Variants in FSTL5 observed in about 807,000 individuals in gnomAD.
FSTL5 encodes follistatin like 5, also known as follistatin-related protein 5.
FSTL5 carries 62 observed loss-of-function variants against 89.1 expected under a neutral mutation model. The ratio of observed to expected loss-of-function variants is 0.70; its 90% CI spans 0.57 to 0.86. The LOEUF (loss-of-function observed/expected upper bound fraction) is 0.86. Among genes scored for constraint, FSTL5 ranks in the 40% least tolerant of loss-of-function variants. FSTL5 has a pLI of 0.00. For missense variants in FSTL5, 1,057 were observed against 1,001.6 expected, an observed-to-expected ratio of 1.06 and a Z score of -0.75; for synonymous variants, 383 against 346.2, an observed-to-expected ratio of 1.11 and a Z score of -1.18.
At chr4:161,888,841 A>G (rs1732896692) in intron 4 of FSTL5, among the ~76,000 whole-genome samples, 1 of 152,092 alleles carries the variant, frequency 6.6e-6, no homozygotes. Context: ...TATTAATTTT[A>G]AAACTCTGAT....
rs1020779479 is a variant in FSTL5, at chr4:161,596,354, C to T, written c.895-8779G>A. ...AATAGAAAAGAAATGTCAACTAACA[C>T]GAATTGAAACTATTGCTTAAAATTA... is the stretch of plus-strand genomic sequence containing the variant. On this transcript the variant is annotated intron_variant, in intron 7 of 15. Coordinates refer to ENST00000306100, the MANE Select transcript of FSTL5 (RefSeq NM_020116.5). 5.9e-5 allele frequency among the ~76,000 whole-genome samples: 9 copies of T among 151,588 alleles called. No individual in the cohort carries two copies. The East Asian group carries it at 1.3e-3, about 23-fold the overall frequency.
chr4:161,756,504 T>C (rs1740575647), intron 6 of FSTL5, among the ~76,000 whole-genome samples: 1 of 152,130 alleles, frequency 6.6e-6, no homozygotes, highest in Admixed American at 6.5e-5. Flanking sequence ...CAATATTCCC[T>C]AGTACTTTTA....
intron 6 of FSTL5, among the ~76,000 whole-genome samples, chr4:161,691,956 T>G (rs530499563): frequency 1.3e-5 from 2 of 152,066 alleles, no homozygotes; most frequent in Non-Finnish European, 2.9e-5. Context: ...TACACATATA[T>G]GTATATACAC....
intron 7 of FSTL5, among the ~76,000 whole-genome samples, chr4:161,625,383 TTATTA>T (rs1735279668): frequency 6.6e-6 from 1 of 152,156 alleles, no homozygotes; most frequent in African/African-American, 2.4e-5. Context: ...TTTTTTGTTA[TTATTA>T]TATTATGATG....
intron 4 of FSTL5, among the ~76,000 whole-genome samples, chr4:161,827,793 T>C (rs915810507): frequency 1.3e-5 from 2 of 152,134 alleles, no homozygotes; most frequent in Admixed American, 6.5e-5. Flanking sequence ...CTGGTCTCAC[T>C]CCCATCATTC....
At chr4:161,708,073 G>A (rs1380759844) in intron 6 of FSTL5, among the ~76,000 whole-genome samples, 1 of 151,982 alleles carries the variant, frequency 6.6e-6, no homozygotes, top group African/African-American at 2.4e-5. Flanking sequence ...ATGCAATGTG[G>A]AAAGCTGGAT....
intron 4 of FSTL5, among the ~76,000 whole-genome samples, chr4:161,867,041 A>C (rs1732114218): frequency 6.6e-6 from 1 of 152,048 alleles, no homozygotes; most frequent in Admixed American, 6.6e-5. Context: ...GGAAATATTT[A>C]GGTTTATTGT....
chr4:161,456,115 T>C (rs192757417), intron 14 of FSTL5, among the ~76,000 whole-genome samples: 46 of 152,252 alleles, frequency 3.0e-4, no homozygotes, highest in Admixed American at 5.9e-4. Flanking sequence ...TCCTGAACAA[T>C]AGCAAAATGG....
At chr4:161,888,767 AAAT>A (rs1334098921) in intron 4 of FSTL5, among the ~76,000 whole-genome samples, 2 of 152,076 alleles carry the variant, frequency 1.3e-5, no homozygotes, top group Non-Finnish European at 2.9e-5. Context: ...TACTTTAACC[AAAT>A]AATAATACCC....
chr4:161,616,782 G>A (rs1217155452), intron 7 of FSTL5, among the ~76,000 whole-genome samples: 2 of 151,200 alleles, frequency 1.3e-5, no homozygotes, highest in Non-Finnish European at 2.9e-5. Context: ...CGAGTGGATA[G>A]GTGCAGCAAA....
rs185000868 is a variant in FSTL5 at position 162,003,289 on chromosome 4, T to C, written c.160+30336A>G. The stretch of plus-strand genomic sequence containing the variant: ...GTGTGCCAGATGCTGTTCTATGCGC[T>C]TTACTCATTCCATTACCCAGTGGTA... On this transcript the variant is annotated intron_variant, in intron 3 of 15. Coordinates refer to ENST00000306100, the MANE Select transcript of FSTL5 (RefSeq NM_020116.5). 2.8e-3 allele frequency among the ~76,000 whole-genome samples: 427 copies of C among 152,322 alleles called. 3 individuals are homozygous for C. Among genetic ancestry groups the C allele is most frequent in the African/African-American group, 9.9e-3 (410 of 41,576 alleles).
intron 2 of FSTL5, among the ~76,000 whole-genome samples, chr4:162,091,745 C>A (rs570414867): frequency 6.6e-6 from 1 of 151,850 alleles, no homozygotes; most frequent in Non-Finnish European, 1.5e-5. Context: ...AATATTGTTG[C>A]GCTATTATTT....
At chr4:162,074,873 C>T (rs146771068) in intron 2 of FSTL5, among the ~76,000 whole-genome samples, 100 of 151,812 alleles carry the variant, frequency 6.6e-4, no homozygotes, top group African/African-American at 2.2e-3. Context: ...CTTAGCCTAG[C>T]CCACCTTAGA....
chr4:161,927,906 A>T (rs988462821), intron 3 of FSTL5, among the ~76,000 whole-genome samples: 2 of 151,718 alleles, frequency 1.3e-5, no homozygotes, highest in East Asian at 3.9e-4. Flanking sequence ...GCAAGTACAG[A>T]GTTCCCATAT....
chr4:161,516,433 T>C (rs1302943090), intron 10 of FSTL5, among the ~76,000 whole-genome samples: 2 of 148,276 alleles, frequency 1.3e-5, no homozygotes, highest in Non-Finnish European at 3.0e-5. Context: ...TTCTTATCAA[T>C]GTCCTTAGTA....
At chr4:161,746,513 C>T (rs1280670350) in intron 6 of FSTL5, among the ~76,000 whole-genome samples, 1 of 152,032 alleles carries the variant, frequency 6.6e-6, no homozygotes, top group Non-Finnish European at 1.5e-5. Context: ...TAGCATTTGA[C>T]AATATCTGTG....
At chr4:162,101,808 T>C (rs1011915721) in intron 2 of FSTL5, among the ~76,000 whole-genome samples, 3 of 152,190 alleles carry the variant, frequency 2.0e-5, no homozygotes, top group Non-Finnish European at 2.9e-5. Flanking sequence ...GCTTTGCTAA[T>C]TGAAGTCACA....
At chr4:161,884,535 A>G (rs1732739272) in intron 4 of FSTL5, among the ~76,000 whole-genome samples, 1 of 152,222 alleles carries the variant, frequency 6.6e-6, no homozygotes, top group Non-Finnish European at 1.5e-5. Flanking sequence ...AAAAATCTGC[A>G]AAACAACAAT....
chr4:161,973,896 G>C (rs528908972), intron 3 of FSTL5, among the ~76,000 whole-genome samples: 11 of 152,034 alleles, frequency 7.2e-5, no homozygotes, highest in South Asian at 4.2e-4. Context: ...AGCTGATAAG[G>C]AACTTCAGCA....
Sources: allele counts gnomAD v4.1 joint callset (sites outside exome capture counted in the v4.1 genomes callset), GRCh38; gene constraint gnomAD v4.1.1; transcripts MANE v1.5; gene names NCBI Gene and HGNC (gene_info 2026-07-23, HGNC 2026-07-21).